The following ADAM28 variants were observed in gnomAD, a reference collection of about 807,000 sequenced individuals.
ADAM28 encodes ADAM metallopeptidase domain 28.
In ADAM28, 105 loss-of-function variants were observed where a neutral mutation model predicts 101.2. The ratio of observed to expected loss-of-function variants is 1.04; its 90% CI spans 0.89 to 1.22. The LOEUF (loss-of-function observed/expected upper bound fraction) is 1.22. Ranked by LOEUF, ADAM28 falls within the 50% of genes most tolerant of loss-of-function variation. The pLI is 0.00. For missense variants in ADAM28, 1,028 were observed against 945.4 expected, an observed-to-expected ratio of 1.09 and a Z score of -1.15; for synonymous variants, 322 against 310.6, an observed-to-expected ratio of 1.04 and a Z score of -0.39.
At position 24,310,382 on chromosome 8, in the gene ADAM28, T is replaced by TA. The variant is rs1177866828; in HGVS notation, c.306+149dup. On this transcript the variant is annotated intron_variant, in intron 4 of 22. Transcript: ENST00000265769. Reference sequence around the variant, plus strand: ...TCAGCAGTAGCCATTACTTAAAATATAAAAAAAAGAAAAGTGGAAAATCAA... The same window carrying TA: ...TCAGCAGTAGCCATTACTTAAAATATAAAAAAAAAGAAAAGTGGAAAATCAA... The TA allele has an allele frequency of 7.9e-5, 57 of 724,886 alleles. 1 individual carries two copies. The highest frequency in any genetic ancestry group is 3.0e-4 in the Middle Eastern group (1 of 3,328). The allele number at this position is 724,886 out of a possible 1,614,324, so 44.9% of individuals were successfully genotyped here. A position where few individuals can be genotyped will look rare whatever the true frequency, so the allele number is the denominator to read the frequency against.
At position 24,357,961 on chromosome 8, in the gene ADAM28, C is replaced by G. The variant is rs558595703; in HGVS notation, c.*3557C>G. ...GTTTTTATATTCTGTACTGTCAGTC[C>G]TCCTGTTCACTAATTTCAAAATTTA... On this transcript the variant is annotated 3_prime_UTR_variant, in exon 23 of 23. Transcript: ENST00000265769. The G allele has an allele frequency of 6.6e-6, 1 of 152,036 alleles. No individual in the cohort carries two copies. Among genetic ancestry groups the G allele is most frequent in the African/African-American group, 2.4e-5 (1 of 41,512 alleles). The allele number at this position is 152,036 out of a possible 1,614,324, so 9.4% of individuals were successfully genotyped here.
chr8:24,309,197 G>A (rs1038123562), intron 2 of ADAM28, among the ~76,000 whole-genome samples: 4 of 152,074 alleles, frequency 2.6e-5, no homozygotes, highest in African/African-American at 9.7e-5. Context: ...TGGTTTACCC[G>A]AGGTAATATT....
rs552292629 is a variant in ADAM28 at position 24,335,721 on chromosome 8, A to G, written c.1567+80A>G. On this transcript the variant is annotated intron_variant, in intron 14 of 22. Coordinates refer to ENST00000265769, the MANE Select transcript of ADAM28 (RefSeq NM_014265.6). ...GACAGTGTTTAACCATGGTCAAAGG[A>G]CCATTCTGTCCTATCCTTCTTAGAA... 57 of 1,440,688 alleles carry G rather than the reference A, an allele frequency of 4.0e-5. No individual in the cohort carries two copies. The East Asian group carries it at 1.3e-3, about 33-fold the overall frequency. The allele number at this position is 1,440,688 out of a possible 1,614,324, so 89.2% of individuals were successfully genotyped here.
At chr8:24,322,125 T>A (rs1232505126) in intron 8 of ADAM28, among the ~76,000 whole-genome samples, 1 of 152,010 alleles carries the variant, frequency 6.6e-6, no homozygotes, top group African/African-American at 2.4e-5. Context: ...AATAATACAT[T>A]TCCTTTTTAT....
chr8:24,294,072 G>A lies in ADAM28; in HGVS notation c.-78G>A. On this transcript the variant is annotated 5_prime_UTR_variant, in exon 1 of 23. Coordinates refer to ENST00000265769, the MANE Select transcript of ADAM28 (RefSeq NM_014265.6). ...CCAGGGAGTTTCATTCTGTCTCACTGGAGAGGAGGCAGGGACAGACCCAGC... is the reference window on the plus strand; with the variant it reads ...CCAGGGAGTTTCATTCTGTCTCACTAGAGAGGAGGCAGGGACAGACCCAGC... The A allele has an allele frequency of 6.8e-7, 1 of 1,474,276 alleles. No homozygotes were observed. The highest frequency in any genetic ancestry group is 9.5e-7 in the Non-Finnish European group (1 of 1,053,278). 91.3% of individuals were successfully genotyped at this position (1,474,276 alleles called of 1,614,324 possible). A position where few individuals can be genotyped will look rare whatever the true frequency, so the allele number is the denominator to read the frequency against.
chr8:24,346,141 G>C (rs1360599524), intron 18 of ADAM28, among the ~76,000 whole-genome samples: 2 of 152,096 alleles, frequency 1.3e-5, no homozygotes, highest in Non-Finnish European at 2.9e-5. Flanking sequence ...ATCTAAACTT[G>C]AATGGGAAAA....
At chr8:24,331,358 G>C (rs1352067616) in intron 12 of ADAM28, 31 bp downstream of exon 12, 1 of 1,566,048 alleles carries the variant, frequency 6.4e-7, no homozygotes. Flanking sequence ...AAACGATCTA[G>C]TTGGTTTTTC....
At chr8:24,321,883 A>G (rs539153906) in intron 8 of ADAM28, among the ~76,000 whole-genome samples, 1 of 151,978 alleles carries the variant, frequency 6.6e-6, no homozygotes, top group Non-Finnish European at 1.5e-5. Context: ...TCTAATTTCC[A>G]AAATATTTAA....
chr8:24,340,662 G>GAGTT (rs1814651503), intron 15 of ADAM28, among the ~76,000 whole-genome samples: 1 of 152,130 alleles, frequency 6.6e-6, no homozygotes, highest in East Asian at 1.9e-4. Flanking sequence ...CTATAGTGAA[G>GAGTT]AGTTAGCCTG....
chr8:24,345,636 T>C (rs907678738), intron 18 of ADAM28, among the ~76,000 whole-genome samples: 9 of 152,072 alleles, frequency 5.9e-5, no homozygotes, highest in African/African-American at 2.2e-4. Context: ...ATACTCCTTT[T>C]CTGAGAGTAT....
At chr8:24,305,451 C>CTTTT (rs10654023) in intron 2 of ADAM28, among the ~76,000 whole-genome samples, 1,592 of 65,434 alleles carry the variant, frequency 0.024, 99 homozygotes, top group East Asian at 0.074. Flanking sequence ...TAAGAGGTTT[C>CTTTT]TTTTTTTTTT....
At chr8:24,349,349 A>G (rs1815786968) in intron 18 of ADAM28, among the ~76,000 whole-genome samples, 1 of 152,202 alleles carries the variant, frequency 6.6e-6, no homozygotes, top group South Asian at 2.1e-4. Flanking sequence ...CCATTTCCTC[A>G]TTCTCAAGGT....
At chr8:24,315,901 C>T (rs1182685810) in intron 6 of ADAM28, among the ~76,000 whole-genome samples, 4 of 151,688 alleles carry the variant, frequency 2.6e-5, no homozygotes, top group Admixed American at 6.6e-5. Context: ...GACTGAAAGA[C>T]AAAAAATACA....
chr8:24,352,470 C>T (rs1816279871), intron 21 of ADAM28, among the ~76,000 whole-genome samples: 1 of 152,168 alleles, frequency 6.6e-6, no homozygotes, highest in Admixed American at 6.5e-5. Context: ...TGTATCCTCA[C>T]ATAGCAGAGG....
intron 14 of ADAM28, among the ~76,000 whole-genome samples, chr8:24,337,493 T>C (rs1328482485): frequency 6.6e-6 from 1 of 152,270 alleles, no homozygotes; most frequent in African/African-American, 2.4e-5. Context: ...AGGGACATTG[T>C]CTACATTGTT....
chr8:24,358,939 C>CTATT lies in ADAM28; in HGVS notation c.*4537_*4540dup, dbSNP rs1816845769. The CTATT allele has an allele frequency of 1.3e-5, 2 of 152,080 alleles. No individual in the cohort carries two copies. Among genetic ancestry groups the CTATT allele is most frequent in the African/African-American group, 4.8e-5 (2 of 41,412 alleles). The allele number at this position is 152,080 out of a possible 1,614,324, so 9.4% of individuals were successfully genotyped here. ...GCTCCCACCTCACACAAAGTTAAAA[C>CTATT]TATTTGTTACTTTAAATAGTTTGAC... is the stretch of plus-strand genomic sequence containing the variant. On this transcript the variant is annotated 3_prime_UTR_variant, in exon 23 of 23. Coordinates refer to ENST00000265769, the MANE Select transcript of ADAM28 (RefSeq NM_014265.6).
chr8:24,322,382 T>C lies in ADAM28; in HGVS notation c.720+1093T>C, dbSNP rs73561550. On this transcript the variant is annotated intron_variant, in intron 8 of 22. Coordinates refer to ENST00000265769, the MANE Select transcript of ADAM28 (RefSeq NM_014265.6). ...CGTTCTCTTCAGATTGCTCTTATAG[T>C]CTCAGCGAATGTGGAAGCAAGGACA... 6.4e-3 allele frequency among the ~76,000 whole-genome samples: 978 copies of C among 152,032 alleles called. 10 individuals carry two copies. Among genetic ancestry groups the C allele is most frequent in the African/African-American group, 0.021 (890 of 41,526 alleles).
In ADAM28 at chr8:24,330,026, A is replaced by C; in HGVS notation, c.1014A>C (p.Ala338=). The part of the protein sequence containing the change: ...DNLLRVAGTM[A]HEMGHNFGMF... Reference sequence around the variant, plus strand: ...TTCTTAGAGTTGCAGGGACAATGGCACATGAAATGGGCCACAACTTTGGAA... The same window carrying C: ...TTCTTAGAGTTGCAGGGACAATGGCCCATGAAATGGGCCACAACTTTGGAA... Residue 338 remains alanine (A), a synonymous_variant, in exon 11 of 23, where the codon GCA becomes GCC. Transcript: ENST00000265769. The C allele has an allele frequency of 1.2e-6, 2 of 1,613,632 alleles. No individual in the cohort carries two copies. Among genetic ancestry groups the C allele is most frequent in the Non-Finnish European group, 1.7e-6 (2 of 1,179,696 alleles).
chr8:24,344,565 TTTA>T (rs1438740936), intron 18 of ADAM28, among the ~76,000 whole-genome samples: 1 of 152,192 alleles, frequency 6.6e-6, no homozygotes, highest in Non-Finnish European at 1.5e-5. Context: ...TTAGTCTATA[TTTA>T]TTGTTTCCAT....
Sources: gnomAD v4.1 joint callset for allele counts (sites outside exome capture counted in the v4.1 genomes callset) on GRCh38, gnomAD v4.1.1 for gene constraint, MANE v1.5 for transcripts, NCBI Gene and HGNC (gene_info 2026-07-23, HGNC 2026-07-21) for gene names.